Variants in MEX3D observed in about 807,000 individuals in gnomAD.
MEX3D encodes the protein mex-3 RNA binding family member D, also known as RNA-binding protein MEX3D.
A neutral mutation model predicts 6.3 loss-of-function variants in MEX3D; 4 were observed. The observed-to-expected ratio is 0.64, with a 90% CI of 0.31 to 1.46. The LOEUF (loss-of-function observed/expected upper bound fraction) is 1.46, where lower values mean the gene tolerates loss of function less well. Ranked by LOEUF, MEX3D falls within the 40% of genes most tolerant of loss-of-function variation. The pLI is 0.07. For missense variants in MEX3D, 1,038 were observed against 994.4 expected, an observed-to-expected ratio of 1.04 and a Z score of -0.59; for synonymous variants, 626 against 494.1, an observed-to-expected ratio of 1.27 and a Z score of -3.54.
intron 1 of MEX3D, among the ~76,000 whole-genome samples, chr19:1,563,754 C>G (rs1914775161): frequency 6.6e-6 from 1 of 152,150 alleles, no homozygotes; most frequent in South Asian, 2.1e-4. Flanking sequence ...GCTTTGGAAT[C>G]TGAAATTTTC....
Position 1,556,671 on chromosome 19 carries a change from C to T in MEX3D, c.848G>A (p.Arg283Gln). 10 of 1,610,804 alleles carry T rather than the reference C, an allele frequency of 6.2e-6. No individual in the cohort carries two copies. Among genetic ancestry groups the T allele is most frequent in the Non-Finnish European group, 8.5e-6 (10 of 1,178,968 alleles). The change falls in exon 2 of 2, where the codon CGG becomes CAG. Residue 283 changes from arginine (R) to glutamine (Q), a missense_variant. Coordinates refer to ENST00000402693, the MANE Select transcript of MEX3D (RefSeq NM_203304.4). The surrounding 1 kb of genome is among the most constrained non-coding windows in gnomAD (Gnocchi z 7.5). ...GGGCCCCACCACCAGCCCCACCACC[C>T]GGTAGGGCACGCGCACCTGGATGGT... The part of the protein sequence containing the change: ...QTTIQVRVPY[R>Q]VVGLVVGPKG...
intron 1 of MEX3D, among the ~76,000 whole-genome samples, chr19:1,566,584 G>C (rs1005924750): frequency 6.6e-6 from 1 of 152,112 alleles, no homozygotes; most frequent in African/African-American, 2.4e-5. Context: ...GAGCGGGGAG[G>C]GGTGGCGGGA....
At chr19:1,561,182 C>G (rs545476643) in intron 1 of MEX3D, among the ~76,000 whole-genome samples, 1 of 152,208 alleles carries the variant, frequency 6.6e-6, no homozygotes, top group Non-Finnish European at 1.5e-5. Context: ...TCATCCAGCC[C>G]GTCCAGGGTC....
intron 1 of MEX3D, among the ~76,000 whole-genome samples, chr19:1,563,227 G>A (rs545936096): frequency 3.3e-5 from 5 of 152,152 alleles, no homozygotes; most frequent in East Asian, 1.9e-4. Flanking sequence ...TGGGGCCTGC[G>A]GGGATGGGAG....
intron 1 of MEX3D, among the ~76,000 whole-genome samples, chr19:1,561,788 T>A (rs895581603): frequency 1.3e-5 from 2 of 151,998 alleles, no homozygotes; most frequent in Admixed American, 6.5e-5. Context: ...GGACTACAGT[T>A]ATGCACCACC....
rs1486706809 is a variant in MEX3D at position 1,555,586 on chromosome 19, G to C, written c.1933C>G (p.Gln645Glu). 6.3e-7 allele frequency: 1 copy of C among 1,589,092 alleles called. No individual in the cohort carries two copies. Among genetic ancestry groups the C allele is most frequent in the South Asian group, 1.1e-5 (1 of 87,258 alleles). Residue 645 changes from glutamine (Q) to glutamate (E), a missense_variant, in exon 2 of 2, where the codon CAG becomes GAG. Gln to Glu is a conservative substitution (Grantham distance 29, BLOSUM62 2). This residue lies in a region of MEX3D where 581 missense variants were observed against 516.2 expected (regional missense o/e 1.13). Coordinates refer to ENST00000402693, the MANE Select transcript of MEX3D (RefSeq NM_203304.4). ...ECPACRTPATQAIHIFS is the reference protein window; with the variant it reads ...ECPACRTPATEAIHIFS ...CTCTAGGAAAAGATATGAATGGCCT[G>C]GGTGGCCGGCGTGCGGCAGGCGGGA...
At chr19:1,559,267 G>C (rs1914659785) in intron 1 of MEX3D, among the ~76,000 whole-genome samples, 1 of 151,956 alleles carries the variant, frequency 6.6e-6, no homozygotes, top group South Asian at 2.1e-4. Flanking sequence ...GAGTAGCTGG[G>C]ATTACAGGCG....
Position 1,556,886 on chromosome 19 carries a change from G to A in MEX3D, c.633C>T (p.Thr211=). ...KIKALRAKTN[T]YIKTPVRGEE... ...CGCCCCGCACTGGGGTCTTGATGTA[G>A]GTGTTTGTCTTGGCCCGCAGGGCCT... Residue 211 remains threonine (T), a synonymous_variant, in exon 2 of 2, where the codon ACC becomes ACT. Transcript: ENST00000402693. This position sits in a 1 kb window ranked among gnomAD's most constrained non-coding sequence, Gnocchi z 7.5. 1 of 1,611,708 alleles carries A rather than the reference G, an allele frequency of 6.2e-7. No homozygotes were observed. Among genetic ancestry groups the A allele is most frequent in the South Asian group, 1.1e-5 (1 of 91,062 alleles).
chr19:1,556,345 CGCGGAGGCCGGCCGTGGCCGT>C lies in MEX3D; in HGVS notation c.1153_1173del (p.Thr385_Arg391del). The C allele has an allele frequency of 7.1e-7, 1 of 1,411,090 alleles. No individual in the cohort carries two copies. Among genetic ancestry groups the C allele is most frequent in the Middle Eastern group, 2.3e-4 (1 of 4,302 alleles). The allele number at this position is 1,411,090 out of a possible 1,614,324, so 87.4% of individuals were successfully genotyped here. ...CTGGGGGCGCCCAGGGCCGTGTCCC[CGCGGAGGCCGGCCGTGGCCGT>C]GGGGGGCCGTCGTCCCTGGTTGGGG... On this transcript the variant is annotated inframe_deletion, in exon 2 of 2. Coordinates refer to ENST00000402693, the MANE Select transcript of MEX3D (RefSeq NM_203304.4). This position sits in a 1 kb window ranked among gnomAD's most constrained non-coding sequence, Gnocchi z 7.5.
In MEX3D at chr19:1,567,588, C is replaced by A; in HGVS notation, c.471G>T (p.Leu157=). 1 of 1,474,724 alleles carries A rather than the reference C, an allele frequency of 6.8e-7. No homozygotes were observed. Among genetic ancestry groups the A allele is most frequent in the Non-Finnish European group, 9.0e-7 (1 of 1,111,654 alleles). 91.4% of individuals were successfully genotyped at this position (1,474,724 alleles called of 1,614,324 possible). The change falls in exon 1 of 2, where the codon CTG becomes CTT. Residue 157 remains leucine, a synonymous_variant. Coordinates refer to ENST00000402693, the MANE Select transcript of MEX3D (RefSeq NM_203304.4). The surrounding 1 kb of genome is among the most constrained non-coding windows in gnomAD (Gnocchi z 6.5). ...GGTCGGCCAGCAGCGTCGGGGGCCCCAGGGCCGCGGGGTGGGGCGCGAAGC... is the reference window on the plus strand; with the variant it reads ...GGTCGGCCAGCAGCGTCGGGGGCCCAAGGGCCGCGGGGTGGGGCGCGAAGC... The part of the protein sequence containing the change: ...FAGFAPHPAA[L]GPPTLLADQM...
At position 1,555,351 on chromosome 19, in the gene MEX3D, C is replaced by T; in HGVS notation, c.*212G>A. On this transcript the variant is annotated 3_prime_UTR_variant, in exon 2 of 2. Transcript: ENST00000402693. ...ACCACTCAATACTGTCGTTGAAGGG[C>T]TGAGGCGCCGCCGGGCTGCGGGGTC... is the stretch of plus-strand genomic sequence containing the variant. 6.2e-7 allele frequency: 1 copy of T among 1,601,518 alleles called. No individual in the cohort carries two copies. The highest frequency in any genetic ancestry group is 8.5e-7 in the Non-Finnish European group (1 of 1,173,656).
At position 1,567,090 on chromosome 19, in the gene MEX3D, T is replaced by C. The variant is rs1367962206; in HGVS notation, c.595+374A>G. Among the ~76,000 whole-genome samples, 1 of 151,930 alleles carries C rather than the reference T, an allele frequency of 6.6e-6. No individual in the cohort carries two copies. On this transcript the variant is annotated intron_variant, in intron 1 of 1. Coordinates refer to ENST00000402693, the MANE Select transcript of MEX3D (RefSeq NM_203304.4). This position sits in a 1 kb window ranked among gnomAD's most constrained non-coding sequence, Gnocchi z 6.5. ...CCTGCGCTTGCCCCGCCCCGCCGCC[T>C]GTGCTGGGTGTGGGGCGCCCCCCGC...
intron 1 of MEX3D, among the ~76,000 whole-genome samples, chr19:1,565,849 G>A (rs1914825583): frequency 6.6e-6 from 1 of 152,212 alleles, no homozygotes; most frequent in Admixed American, 6.5e-5. Flanking sequence ...TGAGGCCACA[G>A]GTCTAGAAGC....
intron 1 of MEX3D, among the ~76,000 whole-genome samples, chr19:1,560,969 G>A (rs924509747): frequency 6.6e-6 from 1 of 152,218 alleles, no homozygotes; most frequent in Admixed American, 6.5e-5. Context: ...GGCGGGCTCT[G>A]GGGGACACCG....
chr19:1,555,431 G>GGGCCCCCCCCC lies in MEX3D; in HGVS notation c.*131_*132insGGGGGGGGGCC. 20 of 1,454,296 alleles carry GGGCCCCCCCCC rather than the reference G, an allele frequency of 1.4e-5. No homozygotes were observed. The highest frequency in any genetic ancestry group is 2.7e-5 in the East Asian group (1 of 36,492). The allele number at this position is 1,454,296 out of a possible 1,614,324, so 90.1% of individuals were successfully genotyped here. A position where few individuals can be genotyped will look rare whatever the true frequency, so the allele number is the denominator to read the frequency against. On this transcript the variant is annotated 3_prime_UTR_variant, in exon 2 of 2. Transcript: ENST00000402693. ...AGCTCATCTGTAAACACTGGCCGCC[G>GGGCCCCCCCCC]CCCACCCCCCTGCCCCCTCGGCCTC...
Position 1,555,786 on chromosome 19 carries a change from G to C in MEX3D, c.1733C>G (p.Ser578Cys). Residue 578 changes from serine to cysteine, a missense_variant, in exon 2 of 2, where the codon TCC (serine) becomes TGC (cysteine). This residue lies in a region of MEX3D where 581 missense variants were observed against 516.2 expected (regional missense o/e 1.13). Coordinates refer to ENST00000402693, the MANE Select transcript of MEX3D (RefSeq NM_203304.4). The stretch of plus-strand genomic sequence containing the variant: ...CTTGCGGCTGTTCTCGGAGGCGCCG[G>C]AGTCCAGGGGGGCGCAGGCGGCGGC... ...PAAAACAPLDSGASENSRKPP... is the reference protein window; with the variant it reads ...PAAAACAPLDCGASENSRKPP... 1 of 1,424,038 alleles carries C rather than the reference G, an allele frequency of 7.0e-7. No homozygotes were observed. Among genetic ancestry groups the C allele is most frequent in the Non-Finnish European group, 9.1e-7 (1 of 1,098,502 alleles). 88.2% of individuals were successfully genotyped at this position (1,424,038 alleles called of 1,614,324 possible).
rs1016382548 is a variant in MEX3D at position 1,567,320 on chromosome 19, G to C, written c.595+144C>G. The stretch of plus-strand genomic sequence containing the variant: ...GCGGCTGCAGGACAAAGGCGCAAAG[G>C]CAGCGGCCGAGGCCGGAGCCCACGC... On this transcript the variant is annotated intron_variant, in intron 1 of 1. Coordinates refer to ENST00000402693, the MANE Select transcript of MEX3D (RefSeq NM_203304.4). This position sits in a 1 kb window ranked among gnomAD's most constrained non-coding sequence, Gnocchi z 6.5. 1 of 958,034 alleles carries C rather than the reference G, an allele frequency of 1.0e-6. No individual in the cohort carries two copies. The allele number at this position is 958,034 out of a possible 1,614,324, so 59.3% of individuals were successfully genotyped here.
chr19:1,557,151 T>C (rs1914595036), intron 1 of MEX3D, among the ~76,000 whole-genome samples: 2 of 152,146 alleles, frequency 1.3e-5, no homozygotes, highest in African/African-American at 2.4e-5. Context: ...CTGTTTTAGG[T>C]TGAAAGGTGT....
rs1914487233 is a variant in MEX3D at position 1,555,327 on chromosome 19, C to T, written c.*236G>A. 6.3e-7 allele frequency: 1 copy of T among 1,599,002 alleles called. No individual in the cohort carries two copies. The highest frequency in any genetic ancestry group is 1.3e-5 in the African/African-American group (1 of 74,338). ...TTCTCTCCGGTTTATTGTAACCTGA[C>T]CACTCAATACTGTCGTTGAAGGGCT... On this transcript the variant is annotated 3_prime_UTR_variant, in exon 2 of 2. Coordinates refer to ENST00000402693, the MANE Select transcript of MEX3D (RefSeq NM_203304.4).
Sources: allele counts gnomAD v4.1 joint callset (sites outside exome capture counted in the v4.1 genomes callset), GRCh38; gene constraint gnomAD v4.1.1; regional missense constraint gnomAD v4.1.1; non-coding constraint Gnocchi (gnomAD v3.1); transcripts MANE v1.5; gene names NCBI Gene and HGNC (gene_info 2026-07-23, HGNC 2026-07-21).